RAD51B: variants seen among roughly 807,000 people sequenced by gnomAD.
The protein encoded by RAD51B is DNA repair protein RAD51 homolog 2.
Under a neutral mutation model 42.2 loss-of-function variants are expected in RAD51B, and 38 were observed. That is an observed-to-expected ratio of 0.90 (90% CI 0.70 to 1.18). The LOEUF is 1.18. Ranked by LOEUF, RAD51B falls within the 50% of genes most tolerant of loss-of-function variation. RAD51B has a pLI of 0.00. For synonymous variants in RAD51B, 154 were observed against 145.2 expected (o/e 1.06, Z -0.43); for missense variants, 373 against 400.7 (o/e 0.93, Z 0.59).
At chr14:68,246,999 G>A (rs148739568) in intron 7 of RAD51B, among the ~76,000 whole-genome samples, 46 of 152,260 alleles carry the variant, frequency 3.0e-4, no homozygotes, top group African/African-American at 1.1e-3. Context: ...CTGAAGAGCA[G>A]GGGCTCTTGT....
chr14:68,201,356 T>C (rs575598184), intron 7 of RAD51B, among the ~76,000 whole-genome samples: 6 of 152,238 alleles, frequency 3.9e-5, no homozygotes, highest in Non-Finnish European at 7.3e-5. Context: ...ATCTTAGTGA[T>C]ATTTCTGGAA....
chr14:68,403,775 T>C (rs2084185666), intron 8 of RAD51B, among the ~76,000 whole-genome samples: 1 of 152,250 alleles, frequency 6.6e-6, no homozygotes, highest in Non-Finnish European at 1.5e-5. Context: ...ATTTACTATC[T>C]TGCCTCATTG....
At chr14:67,966,687 G>A (rs953868432) in intron 7 of RAD51B, among the ~76,000 whole-genome samples, 1 of 152,196 alleles carries the variant, frequency 6.6e-6, no homozygotes, top group African/African-American at 2.4e-5. Context: ...TAGTATTGCT[G>A]TGTGTGTTTG....
chr14:68,317,904 T>C (rs1005120806), intron 8 of RAD51B, among the ~76,000 whole-genome samples: 4 of 152,196 alleles, frequency 2.6e-5, no homozygotes, highest in African/African-American at 9.7e-5. Flanking sequence ...GATACATATA[T>C]CACATAGTAT....
chr14:68,202,650 T>C (rs1056645585), intron 7 of RAD51B, among the ~76,000 whole-genome samples: 1 of 150,534 alleles, frequency 6.6e-6, no homozygotes, highest in Non-Finnish European at 1.5e-5. Context: ...TGGTGTGATC[T>C]TGGTTCACCG....
intron 7 of RAD51B, among the ~76,000 whole-genome samples, chr14:67,950,009 A>G (rs2074414585): frequency 6.6e-6 from 1 of 152,158 alleles, no homozygotes; most frequent in Non-Finnish European, 1.5e-5. Flanking sequence ...TTATTGTTCC[A>G]TTTCTAGACC....
downstream of RAD51B, among the ~76,000 whole-genome samples, chr14:68,598,354 C>T (rs1183954474): frequency 6.6e-6 from 1 of 152,200 alleles, no homozygotes; most frequent in Non-Finnish European, 1.5e-5. Context: ...TGTTAGCTGT[C>T]ATTCCCCCTC....
intron 10 of RAD51B, among the ~76,000 whole-genome samples, chr14:68,582,400 A>G (rs1464347724): frequency 2.0e-5 from 3 of 152,252 alleles, no homozygotes; most frequent in Non-Finnish European, 4.4e-5. Context: ...AAACATATGG[A>G]AAAAAGCTCA....
At chr14:68,422,053 A>G (rs770464767) in intron 9 of RAD51B, 13 of 1,535,272 alleles carry the variant, frequency 8.5e-6, no homozygotes, top group Non-Finnish European at 1.2e-5. Context: ...AGGAAACCTT[A>G]TAACCAAATC....
chr14:68,615,382 G>A (rs1314547716), downstream of RAD51B, among the ~76,000 whole-genome samples: 5 of 150,458 alleles, frequency 3.3e-5, no homozygotes, highest in Non-Finnish European at 5.9e-5. Context: ...GTCTCGCTCT[G>A]TCGCCCAGGC....
chr14:68,477,851 A>C lies in RAD51B; in HGVS notation c.*187A>C. The C allele has an allele frequency of 1.4e-6, 2 of 1,429,410 alleles. No homozygotes were observed. Among genetic ancestry groups the C allele is most frequent in the Non-Finnish European group, 1.8e-6 (2 of 1,093,008 alleles). The allele number at this position is 1,429,410 out of a possible 1,614,324, so 88.5% of individuals were successfully genotyped here. ...GATTTCAGACCTAGCAGGGAAGGTG[A>C]AGATGAAGAAGCCTTTGTTCAGGTC... On this transcript the variant is annotated 3_prime_UTR_variant, in exon 11 of 11. Coordinates refer to ENST00000471583, the MANE Select transcript of RAD51B (RefSeq NM_133510.4).
chr14:68,294,515 T>C (rs1180254053), intron 8 of RAD51B, among the ~76,000 whole-genome samples: 1 of 152,254 alleles, frequency 6.6e-6, no homozygotes, highest in Non-Finnish European at 1.5e-5. Flanking sequence ...AAGCATTCAT[T>C]GTATCAGCTT....
At chr14:68,073,471 A>T (rs1184792609) in intron 7 of RAD51B, among the ~76,000 whole-genome samples, 1 of 152,106 alleles carries the variant, frequency 6.6e-6, no homozygotes, top group Non-Finnish European at 1.5e-5. Context: ...TTGCTTATTT[A>T]TTCAACTTGC....
intron 7 of RAD51B, among the ~76,000 whole-genome samples, chr14:68,275,707 C>T (rs2081207894): frequency 1.3e-5 from 2 of 151,744 alleles, no homozygotes; most frequent in Admixed American, 6.6e-5. Context: ...CAAATTAGGG[C>T]TTTTCCTTTC....
intron 7 of RAD51B, among the ~76,000 whole-genome samples, chr14:68,067,429 A>G (rs2076668669): frequency 6.7e-6 from 1 of 149,274 alleles, no homozygotes; most frequent in Non-Finnish European, 1.5e-5. Context: ...GTGCCACTGC[A>G]CTCCAACCTG....
At chr14:68,455,032 T>C (rs1465993534) in intron 9 of RAD51B, among the ~76,000 whole-genome samples, 1 of 151,348 alleles carries the variant, frequency 6.6e-6, no homozygotes, top group Non-Finnish European at 1.5e-5. Context: ...TATGGCTTGA[T>C]GGAGTATTGA....
At chr14:68,222,581 G>A (rs1435818654) in intron 7 of RAD51B, among the ~76,000 whole-genome samples, 1 of 152,142 alleles carries the variant, frequency 6.6e-6, no homozygotes, top group African/African-American at 2.4e-5. Flanking sequence ...AGTGTACACT[G>A]CTTGGGTGAT....
intron 7 of RAD51B, among the ~76,000 whole-genome samples, chr14:67,989,308 T>G (rs1233783837): frequency 6.6e-6 from 1 of 152,104 alleles, no homozygotes; most frequent in Non-Finnish European, 1.5e-5. Context: ...TTTTAAAATA[T>G]TGTGTGAATT....
intron 7 of RAD51B, among the ~76,000 whole-genome samples, chr14:68,062,664 CT>C (rs1253130161): frequency 6.6e-6 from 1 of 151,828 alleles, no homozygotes; most frequent in Non-Finnish European, 1.5e-5. Flanking sequence ...AAAAAATTAG[CT>C]GGCCATGGTG....
Sources: allele counts gnomAD v4.1 joint callset (sites outside exome capture counted in the v4.1 genomes callset), GRCh38; gene constraint gnomAD v4.1.1; transcripts MANE v1.5; gene names NCBI Gene and HGNC (gene_info 2026-07-23, HGNC 2026-07-21).